Variants in MACROD2 observed in about 807,000 individuals in gnomAD.
The protein encoded by MACROD2 is ADP-ribose glycohydrolase MACROD2.
Under a neutral mutation model 70.4 loss-of-function variants are expected in MACROD2, and 36 were observed. That is an observed-to-expected ratio of 0.51 (90% CI 0.39 to 0.68). The LOEUF (loss-of-function observed/expected upper bound fraction) is 0.68, where lower values mean the gene tolerates loss of function less well. MACROD2 is among the 30% of genes least tolerant of loss of function. The pLI is 0.00. For missense variants in MACROD2, 496 were observed against 538.4 expected (o/e 0.92, Z 0.78); for synonymous variants, 172 against 178.8 (o/e 0.96, Z 0.30).
At chr20:14,146,639 C>T (rs1313174548) in intron 3 of MACROD2, among the ~76,000 whole-genome samples, 1 of 152,152 alleles carries the variant, frequency 6.6e-6, no homozygotes. Flanking sequence ...ACTTTAACAC[C>T]TACTTTTCTC....
At chr20:14,459,102 C>G (rs922351082) in intron 3 of MACROD2, among the ~76,000 whole-genome samples, 3 of 151,984 alleles carry the variant, frequency 2.0e-5, no homozygotes, top group African/African-American at 7.3e-5. Flanking sequence ...TCTAAGAACT[C>G]TGAGTCTTGT....
intron 5 of MACROD2, among the ~76,000 whole-genome samples, chr20:14,932,501 C>G (rs185476685): frequency 6.6e-6 from 1 of 152,288 alleles, no homozygotes; most frequent in Admixed American, 6.5e-5. Context: ...CATACAAACA[C>G]TTCCATTTCA....
At position 15,684,549 on chromosome 20, in the gene MACROD2, CATTT is replaced by C. The variant is rs368592336; in HGVS notation, c.646-178192_646-178189del. Among the ~76,000 whole-genome samples the C allele has an allele frequency of 2.2e-3, 328 of 152,242 alleles. 3 individuals are homozygous for C. The highest frequency in any genetic ancestry group is 7.2e-3 in the African/African-American group (299 of 41,552). ...CAAGGGTAAGCTCATTTAAAATGGA[CATTT>C]ATTCTGATTTTTGATCCATATTGGC... On this transcript the variant is annotated intron_variant, in intron 8 of 17. Transcript: ENST00000684519.
intron 3 of MACROD2, among the ~76,000 whole-genome samples, chr20:14,358,098 G>A (rs764077269): frequency 6.6e-6 from 1 of 152,190 alleles, no homozygotes; most frequent in African/African-American, 2.4e-5. Flanking sequence ...TTTAAGGTTT[G>A]AGGCAAAAAG....
At chr20:15,688,455 A>G (rs1215171012) in intron 8 of MACROD2, among the ~76,000 whole-genome samples, 1 of 152,212 alleles carries the variant, frequency 6.6e-6, no homozygotes, top group Non-Finnish European at 1.5e-5. Flanking sequence ...GAGGGAACAC[A>G]TAAGCAAACT....
chr20:15,974,010 G>A (rs2066268987), intron 13 of MACROD2, among the ~76,000 whole-genome samples: 2 of 152,196 alleles, frequency 1.3e-5, no homozygotes, highest in South Asian at 4.1e-4. Context: ...AGAACAAATA[G>A]ACTACGGATG....
intron 6 of MACROD2, among the ~76,000 whole-genome samples, chr20:15,426,374 C>T (rs2046298336): frequency 2.0e-5 from 3 of 152,060 alleles, no homozygotes; most frequent in South Asian, 2.1e-4. Flanking sequence ...GACACGGTCT[C>T]ACTCCTGTGG....
chr20:14,571,747 A>G (rs1363858682), intron 4 of MACROD2, among the ~76,000 whole-genome samples: 1 of 152,126 alleles, frequency 6.6e-6, no homozygotes, highest in Non-Finnish European at 1.5e-5. Flanking sequence ...ATGAATTGTC[A>G]GAAATAGATT....
intron 3 of MACROD2, among the ~76,000 whole-genome samples, chr20:14,446,724 G>A (rs1429908408): frequency 6.6e-6 from 1 of 151,866 alleles, no homozygotes; most frequent in African/African-American, 2.4e-5. Flanking sequence ...TTTCATTGTG[G>A]GCACTTTTCA....
intron 5 of MACROD2, among the ~76,000 whole-genome samples, chr20:15,032,057 A>G (rs1313806866): frequency 6.6e-6 from 1 of 152,174 alleles, no homozygotes; most frequent in East Asian, 1.9e-4. Flanking sequence ...CGCTGCCTCA[A>G]GGGTGCACAC....
At chr20:14,937,891 G>A (rs893982021) in intron 5 of MACROD2, among the ~76,000 whole-genome samples, 1 of 151,696 alleles carries the variant, frequency 6.6e-6, no homozygotes, top group Non-Finnish European at 1.5e-5. Flanking sequence ...TCTTTATGCA[G>A]TCCACTTTTT....
intron 5 of MACROD2, among the ~76,000 whole-genome samples, chr20:14,843,727 T>C (rs2073110374): frequency 6.6e-6 from 1 of 152,162 alleles, no homozygotes; most frequent in Admixed American, 6.5e-5. Context: ...TTCAAAGAGC[T>C]ACTAACTTTA....
At chr20:15,494,736 G>GGTGTGTGTGTGTGTGT (rs550716316) in intron 7 of MACROD2, among the ~76,000 whole-genome samples, 1 of 110,142 alleles carries the variant, frequency 9.1e-6, no homozygotes, top group Non-Finnish European at 1.9e-5. Context: ...TGCATAATGG[G>GGTGTGTGTGTGTGTGT]GTGTGTGTGT....
At chr20:14,876,430 T>C (rs1568849344) in intron 5 of MACROD2, among the ~76,000 whole-genome samples, 1 of 152,200 alleles carries the variant, frequency 6.6e-6, no homozygotes, top group Non-Finnish European at 1.5e-5. Context: ...CTGTTTACTC[T>C]GTTGATAGCC....
At chr20:15,588,674 A>G (rs1183744120) in intron 8 of MACROD2, among the ~76,000 whole-genome samples, 1 of 152,204 alleles carries the variant, frequency 6.6e-6, no homozygotes, top group Non-Finnish European at 1.5e-5. Context: ...TTTCTAGGGC[A>G]AGGGCAAAAT....
At position 14,886,810 on chromosome 20, in the gene MACROD2, A is replaced by G. The variant is rs16995139; in HGVS notation, c.418+201851A>G. ...AACCCAAAATACAAATGAGGAAATG[A>G]AGTAAGAACAGAAAGTGACAGAGAG... On this transcript the variant is annotated intron_variant, in intron 5 of 17. Transcript: ENST00000684519. Among the ~76,000 whole-genome samples, 246 of 152,274 alleles carry G rather than the reference A, an allele frequency of 1.6e-3. 9 individuals carry two copies. The East Asian group carries it at 0.041, about 25-fold the overall frequency.
intron 2 of MACROD2, among the ~76,000 whole-genome samples, chr20:14,074,836 T>C (rs1434454647): frequency 6.6e-6 from 1 of 152,190 alleles, no homozygotes; most frequent in Non-Finnish European, 1.5e-5. Flanking sequence ...AGGTAGAAAA[T>C]TCCAGAAATA....
chr20:15,949,149 C>T (rs569944496), intron 12 of MACROD2, among the ~76,000 whole-genome samples: 15 of 152,208 alleles, frequency 9.9e-5, no homozygotes, highest in Non-Finnish European at 1.9e-4. Context: ...CTTGTGCCTC[C>T]GTTTTCTGAT....
intron 3 of MACROD2, among the ~76,000 whole-genome samples, chr20:14,296,277 T>G (rs1046237996): frequency 1.3e-5 from 2 of 151,948 alleles, no homozygotes; most frequent in African/African-American, 4.9e-5. Flanking sequence ...ATCTAAAGAT[T>G]CAGCAATTCT....
Sources: gnomAD v4.1 joint callset for allele counts (sites outside exome capture counted in the v4.1 genomes callset) on GRCh38, gnomAD v4.1.1 for gene constraint, MANE v1.5 for transcripts, NCBI Gene and HGNC (gene_info 2026-07-23, HGNC 2026-07-21) for gene names.